The following KIF3B variants were observed in gnomAD, a reference collection of about 807,000 sequenced individuals.
KIF3B encodes the protein kinesin family member 3B, also known as kinesin-like protein KIF3B.
KIF3B carries 38 observed loss-of-function variants against 74.3 expected under a neutral mutation model. The observed-to-expected ratio is 0.51, with a 90% CI of 0.39 to 0.67. The LOEUF is 0.67. Ranked by LOEUF, KIF3B falls within the 30% of genes least tolerant of loss-of-function variation. KIF3B has a pLI of 0.00. For missense variants in KIF3B, 649 were observed against 932.0 expected (o/e 0.70, Z 3.95); for synonymous variants, 326 against 342.5 (o/e 0.95, Z 0.53).
intron 1 of KIF3B, among the ~76,000 whole-genome samples, chr20:32,291,316 T>C (rs1454002508): frequency 6.7e-6 from 1 of 148,462 alleles, no homozygotes; most frequent in East Asian, 2.0e-4. Flanking sequence ...TAGAGGGTGA[T>C]TTTTTTTTCA....
intron 1 of KIF3B, among the ~76,000 whole-genome samples, chr20:32,297,599 C>T (rs372609753): frequency 1.3e-5 from 2 of 152,048 alleles, no homozygotes; most frequent in Non-Finnish European, 2.9e-5. Flanking sequence ...GCTAGTATGT[C>T]GGGCCTTTCT....
Position 32,311,122 on chromosome 20 carries a change from A to G in KIF3B, c.1345A>G (p.Lys449Glu). The change falls in exon 2 of 9, where the codon AAG becomes GAG. Residue 449 changes from lysine to glutamate, a missense_variant. Physicochemically the swap from Lys to Glu is moderately conservative, Grantham distance 56. Around this residue, in one of 4 missense-constraint regions of KIF3B, gnomAD observed 363 missense variants for 592.8 expected, o/e 0.61. Coordinates refer to ENST00000375712, the MANE Select transcript of KIF3B (RefSeq NM_004798.4). ...KMRLLKEKEK[K>E]MEDLRREKDA... ...GAGGCTGCTGAAGGAGAAAGAGAAA[A>G]AGATGGAGGACCTGCGGCGGGAGAA... 2 of 1,613,592 alleles carry G rather than the reference A, an allele frequency of 1.2e-6. No homozygotes were observed. The highest frequency in any genetic ancestry group is 1.7e-6 in the Non-Finnish European group (2 of 1,179,898).
intron 5 of KIF3B, among the ~76,000 whole-genome samples, chr20:32,321,686 G>C (rs1600435786): frequency 2.0e-5 from 3 of 152,078 alleles, no homozygotes; most frequent in East Asian, 3.9e-4. Flanking sequence ...ACTCTGCTTT[G>C]TTATAATTCA....
At chr20:32,319,583 T>TTTTTTTTTTTTTTTTTTTTTG in intron 5 of KIF3B, among the ~76,000 whole-genome samples, 2 of 62,966 alleles carry the variant, frequency 3.2e-5, no homozygotes, top group Non-Finnish European at 8.0e-5. Context: ...TTTGTTTTTG[T>TTTTTTTTTTTTTTTTTTTTTG]TTTTTTTTTT....
At chr20:32,302,093 G>C (rs2047747175) in intron 1 of KIF3B, among the ~76,000 whole-genome samples, 1 of 152,178 alleles carries the variant, frequency 6.6e-6, no homozygotes, top group Admixed American at 6.6e-5. Flanking sequence ...GCAATTCTGT[G>C]AGTTTCTTTA....
intron 1 of KIF3B, among the ~76,000 whole-genome samples, chr20:32,288,273 G>A (rs1262699858): frequency 6.6e-6 from 1 of 152,112 alleles, no homozygotes; most frequent in Non-Finnish European, 1.5e-5. Flanking sequence ...AAGATTGCTT[G>A]AGGCCAGAAG....
chr20:32,294,106 T>C (rs979697294), intron 1 of KIF3B, among the ~76,000 whole-genome samples: 1 of 152,108 alleles, frequency 6.6e-6, no homozygotes, highest in African/African-American at 2.4e-5. Flanking sequence ...TTGAATACAA[T>C]AAAACCCAAG....
At chr20:32,311,960 G>A (rs962064423) in intron 2 of KIF3B, among the ~76,000 whole-genome samples, 4 of 151,640 alleles carry the variant, frequency 2.6e-5, no homozygotes, top group Non-Finnish European at 5.9e-5. Flanking sequence ...CTGCCACCAC[G>A]CCCGGCTAAG....
At chr20:32,282,653 T>C (rs1234007621) in intron 1 of KIF3B, among the ~76,000 whole-genome samples, 1 of 152,208 alleles carries the variant, frequency 6.6e-6, no homozygotes, top group Non-Finnish European at 1.5e-5. Flanking sequence ...TGTCTTGTGC[T>C]GTTGGCATTG....
chr20:32,315,577 G>A (rs1263285659), intron 2 of KIF3B, among the ~76,000 whole-genome samples: 1 of 152,140 alleles, frequency 6.6e-6, no homozygotes, highest in Non-Finnish European at 1.5e-5. Flanking sequence ...GCCAAGTGTG[G>A]TGGTGTACAC....
chr20:32,321,428 C>CA (rs566740586), intron 5 of KIF3B, among the ~76,000 whole-genome samples: 22,754 of 125,630 alleles, frequency 0.18, 3,625 homozygotes, highest in African/African-American at 0.45. Flanking sequence ...GACTCTGTCT[C>CA]AAAAAAAAAA....
chr20:32,323,070 TTATATATTTA>T lies in KIF3B; in HGVS notation c.1749-3687_1749-3678del, dbSNP rs1364119334. Among the ~76,000 whole-genome samples, 6 of 14,516 alleles carry T rather than the reference TTATATATTTA, an allele frequency of 4.1e-4. No individual in the cohort carries two copies. The East Asian group carries it at 4.5e-3, about 11-fold the overall frequency. The allele number at this position is 14,516 out of a possible 152,430, so 9.5% of individuals were successfully genotyped here. A position where few individuals can be genotyped will look rare whatever the true frequency, so the allele number is the denominator to read the frequency against. On this transcript the variant is annotated intron_variant, in intron 5 of 8. Transcript: ENST00000375712. Reference sequence around the variant, plus strand: ...TATATATATTTATATTTATATATATTTATATATTTATATATATTTATATTTATATATTTAT... The same window carrying T: ...TATATATATTTATATTTATATATATTTATATATTTATATTTATATATTTAT...
chr20:32,302,274 A>G (rs777723766), intron 1 of KIF3B, among the ~76,000 whole-genome samples: 2 of 152,244 alleles, frequency 1.3e-5, no homozygotes, highest in East Asian at 1.9e-4. Flanking sequence ...GAATATGTCA[A>G]TAATACATGA....
At chr20:32,323,146 A>G (rs1290874519) in intron 5 of KIF3B, among the ~76,000 whole-genome samples, 1 of 41,076 alleles carries the variant, frequency 2.4e-5, no homozygotes. Context: ...ACATATATTT[A>G]TATATTTATA....
intron 1 of KIF3B, among the ~76,000 whole-genome samples, chr20:32,281,725 A>G (rs1283185069): frequency 6.6e-6 from 1 of 152,204 alleles, no homozygotes; most frequent in Non-Finnish European, 1.5e-5. Context: ...TCAAAAAGAA[A>G]AAAAACCCAA....
At chr20:32,295,729 T>C (rs2047713538) in intron 1 of KIF3B, among the ~76,000 whole-genome samples, 1 of 152,160 alleles carries the variant, frequency 6.6e-6, no homozygotes, top group Non-Finnish European at 1.5e-5. Context: ...AAGTTAAAAA[T>C]TCTAGTGCTG....
Position 32,310,037 on chromosome 20 carries a change from G to A in KIF3B, c.260G>A (p.Gly87Asp). 6.2e-7 allele frequency: 1 copy of A among 1,614,164 alleles called. No homozygotes were observed. Among genetic ancestry groups the A allele is most frequent in the East Asian group, 2.2e-5 (1 of 44,886 alleles). The change falls in exon 2 of 9, where the codon GGT becomes GAT. Residue 87 changes from glycine (G) to aspartate (D), a missense_variant. Physicochemically the swap from Gly to Asp is moderately conservative, Grantham distance 94 (BLOSUM62 -1). This residue lies in a region of KIF3B where 96 missense variants were observed against 119.0 expected (regional missense o/e 0.81). Transcript: ENST00000375712. This position sits in a 1 kb window ranked among gnomAD's most constrained non-coding sequence, Gnocchi z 6.5. ...FRPLVDSVLQGFNGTIFAYGQ... is the reference protein window; with the variant it reads ...FRPLVDSVLQDFNGTIFAYGQ... ...CCACTTGTTGACTCTGTCCTGCAAG[G>A]TTTCAATGGAACCATTTTTGCCTAT...
At chr20:32,291,118 G>A (rs1226529857) in intron 1 of KIF3B, among the ~76,000 whole-genome samples, 1 of 151,998 alleles carries the variant, frequency 6.6e-6, no homozygotes. Flanking sequence ...GGGAAATGGG[G>A]AATTGTTCAG....
rs1479511529 is a variant in KIF3B at position 32,322,710 on chromosome 20, A to ATT, written c.1749-4060_1749-4059insTT. Among the ~76,000 whole-genome samples the ATT allele has an allele frequency of 2.4e-4, 13 of 54,268 alleles. 3 individuals are homozygous for ATT. Among genetic ancestry groups the ATT allele is most frequent in the African/African-American group, 7.1e-4 (10 of 14,178 alleles). 35.6% of individuals were successfully genotyped at this position (54,268 alleles called of 152,430 possible). A position where few individuals can be genotyped will look rare whatever the true frequency, so the allele number is the denominator to read the frequency against. On this transcript the variant is annotated intron_variant, in intron 5 of 8. Coordinates refer to ENST00000375712, the MANE Select transcript of KIF3B (RefSeq NM_004798.4). ...TATATTTATATATATTTATATATTTATATATATTTATATTTATTTATTTAT... is the reference window on the plus strand; with the variant it reads ...TATATTTATATATATTTATATATTTATTTATATATTTATATTTATTTATTTAT...
Sources: gnomAD v4.1 joint callset for allele counts (sites outside exome capture counted in the v4.1 genomes callset) on GRCh38, gnomAD v4.1.1 for gene constraint, gnomAD v4.1.1 regional missense constraint, Gnocchi (gnomAD v3.1) non-coding constraint, MANE v1.5 for transcripts, NCBI Gene and HGNC (gene_info 2026-07-23, HGNC 2026-07-21) for gene names.